KCNIP4: variants seen among roughly 807,000 people sequenced by gnomAD.
KCNIP4 encodes potassium voltage-gated channel interacting protein 4, also known as Kv channel-interacting protein 4.
A neutral mutation model predicts 34.0 loss-of-function variants in KCNIP4; 12 were observed. That is an observed-to-expected ratio of 0.35 (90% CI 0.23 to 0.57). The LOEUF is 0.57. Among genes scored for constraint, KCNIP4 ranks in the 20% least tolerant of loss-of-function variants. The pLI is 0.83. For missense variants in KCNIP4, 238 were observed against 311.7 expected (o/e 0.76, Z 1.78); for synonymous variants, 124 against 102.2 (o/e 1.21, Z -1.29).
intron 1 of KCNIP4, among the ~76,000 whole-genome samples, chr4:20,959,784 T>G (rs1733673947): frequency 6.6e-6 from 1 of 152,200 alleles, no homozygotes; most frequent in South Asian, 2.1e-4. Flanking sequence ...TAATGAGCTC[T>G]GCAAGGAGAC....
intron 1 of KCNIP4, among the ~76,000 whole-genome samples, chr4:21,449,230 CTTCTT>C (rs1467763448): frequency 5.9e-5 from 9 of 152,134 alleles, no homozygotes; most frequent in Admixed American, 5.9e-4. Context: ...GCCTGTGACT[CTTCTT>C]TAACTCCTAT....
At chr4:21,664,009 A>G (rs1748645864) in intron 1 of KCNIP4, among the ~76,000 whole-genome samples, 1 of 152,150 alleles carries the variant, frequency 6.6e-6, no homozygotes, top group African/African-American at 2.4e-5. Context: ...CAGTGGCACA[A>G]CCTTGGCTCA....
intron 1 of KCNIP4, among the ~76,000 whole-genome samples, chr4:21,399,251 G>T (rs936493164): frequency 6.6e-6 from 1 of 152,158 alleles, no homozygotes; most frequent in Non-Finnish European, 1.5e-5. Flanking sequence ...TTCTGTTAGG[G>T]CATGTGGTCC....
chr4:21,246,613 C>G (rs925060428), intron 1 of KCNIP4, among the ~76,000 whole-genome samples: 1 of 152,044 alleles, frequency 6.6e-6, no homozygotes, highest in African/African-American at 2.4e-5. Context: ...TTTTGATACA[C>G]CTACTCCTTG....
At chr4:21,306,861 C>T (rs1468161703) in intron 1 of KCNIP4, among the ~76,000 whole-genome samples, 2 of 151,728 alleles carry the variant, frequency 1.3e-5, no homozygotes, top group East Asian at 3.9e-4. Context: ...ACTCTTGTTG[C>T]CCACATTGGA....
At chr4:21,574,763 CT>C (rs1166556588) in intron 1 of KCNIP4, among the ~76,000 whole-genome samples, 9 of 152,088 alleles carry the variant, frequency 5.9e-5, no homozygotes, top group Non-Finnish European at 1.3e-4. Context: ...AAGAAAGTAT[CT>C]TGACAACAAA....
At chr4:21,271,816 T>C (rs1457349659) in intron 1 of KCNIP4, among the ~76,000 whole-genome samples, 1 of 152,214 alleles carries the variant, frequency 6.6e-6, no homozygotes, top group Non-Finnish European at 1.5e-5. Context: ...AAAGTAATTA[T>C]CTGCTGGTTT....
At chr4:21,883,159 G>GTTTT (rs71193418) in intron 1 of KCNIP4, among the ~76,000 whole-genome samples, 2 of 138,090 alleles carry the variant, frequency 1.4e-5, no homozygotes. Context: ...CTGAGTTGTT[G>GTTTT]TTTTTTTTTT....
At chr4:21,762,882 G>C (rs1031514988) in intron 1 of KCNIP4, 12 of 1,229,902 alleles carry the variant, frequency 9.8e-6, no homozygotes, top group Non-Finnish European at 1.2e-5. Context: ...AAGATTGGGA[G>C]GGGGGTGTAG....
intron 1 of KCNIP4, among the ~76,000 whole-genome samples, chr4:21,458,783 T>G (rs1278242496): frequency 1.3e-5 from 2 of 152,068 alleles, no homozygotes; most frequent in Non-Finnish European, 2.9e-5. Flanking sequence ...ATCCTCATTC[T>G]CAGCTTAAAA....
intron 1 of KCNIP4, among the ~76,000 whole-genome samples, chr4:21,741,432 T>C (rs776513112): frequency 6.6e-6 from 1 of 152,180 alleles, no homozygotes; most frequent in Non-Finnish European, 1.5e-5. Context: ...AGGCATGTCC[T>C]GCTCCATCTT....
chr4:21,866,257 C>T (rs1725408578), intron 1 of KCNIP4, among the ~76,000 whole-genome samples: 1 of 152,174 alleles, frequency 6.6e-6, no homozygotes, highest in Non-Finnish European at 1.5e-5. Flanking sequence ...CAAATCACAG[C>T]AAGTCTTCTC....
chr4:21,154,938 A>G (rs571696805), intron 1 of KCNIP4, among the ~76,000 whole-genome samples: 1 of 152,360 alleles, frequency 6.6e-6, no homozygotes, highest in South Asian at 2.1e-4. Context: ...TGTAACCGAC[A>G]AAATAAATAT....
intron 1 of KCNIP4, among the ~76,000 whole-genome samples, chr4:21,444,146 C>G (rs1487994171): frequency 6.6e-6 from 1 of 151,888 alleles, no homozygotes; most frequent in Admixed American, 6.6e-5. Context: ...GCTTACCAAC[C>G]AAAAAAAGTC....
intron 1 of KCNIP4, among the ~76,000 whole-genome samples, chr4:21,779,524 C>G (rs1315027308): frequency 2.6e-5 from 4 of 152,120 alleles, no homozygotes; most frequent in Non-Finnish European, 1.5e-5. Flanking sequence ...ATCAAAATGT[C>G]ACATTGTACA....
chr4:21,158,847 G>C (rs1311360082), intron 1 of KCNIP4, among the ~76,000 whole-genome samples: 1 of 152,066 alleles, frequency 6.6e-6, no homozygotes. Context: ...ATTTAAAGAT[G>C]ACAGAACTGT....
chr4:21,058,924 C>A (rs1018453970), intron 1 of KCNIP4, among the ~76,000 whole-genome samples: 1 of 152,072 alleles, frequency 6.6e-6, no homozygotes, highest in African/African-American at 2.4e-5. Context: ...CCATAATTCT[C>A]ACGTGTCATG....
intron 1 of KCNIP4, among the ~76,000 whole-genome samples, chr4:21,278,546 A>G (rs775938944): frequency 9.2e-5 from 14 of 152,184 alleles, no homozygotes; most frequent in Non-Finnish European, 2.1e-4. Context: ...ATGGCTGCAT[A>G]GTATTCCATG....
intron 3 of KCNIP4, among the ~76,000 whole-genome samples, chr4:20,764,053 G>A (rs910889039): frequency 6.6e-6 from 1 of 152,160 alleles, no homozygotes; most frequent in Non-Finnish European, 1.5e-5. Flanking sequence ...GGGATAGTAA[G>A]AAATGCCTCA....
Sources: allele counts gnomAD v4.1 joint callset (sites outside exome capture counted in the v4.1 genomes callset), GRCh38; gene constraint gnomAD v4.1.1; transcripts MANE v1.5; gene names NCBI Gene and HGNC (gene_info 2026-07-23, HGNC 2026-07-21).